PRKX: variants seen among roughly 807,000 people sequenced by gnomAD.
PRKX encodes cAMP-dependent protein kinase catalytic subunit PRKX.
A neutral mutation model predicts 22.0 loss-of-function variants in PRKX; 12 were observed. The observed-to-expected ratio is 0.54, with a 90% CI of 0.35 to 0.88. The LOEUF is 0.88. Ranked by LOEUF, PRKX falls within the 40% of genes least tolerant of loss-of-function variation. The pLI is 0.01. For missense variants in PRKX, 217 were observed against 308.0 expected (o/e 0.70, Z 2.21); for synonymous variants, 134 against 137.7 (o/e 0.97, Z 0.19).
intron 3 of PRKX, among the ~76,000 whole-genome samples, chrX:3,650,621 G>A (rs1449398277): frequency 9.1e-6 from 1 of 109,781 alleles, no homozygotes; most frequent in Non-Finnish European, 1.9e-5. Context: ...GCTCACGCCT[G>A]TAATCCCAAT....
At position 3,624,876 on chromosome X, in the gene PRKX, C is replaced by T. The variant is rs192138671; in HGVS notation, c.815+1543G>A. Among the ~76,000 whole-genome samples the T allele has an allele frequency of 5.3e-3, 592 of 111,309 alleles. 4 individuals carry two copies. Among genetic ancestry groups the T allele is most frequent in the African/African-American group, 0.016 (488 of 30,643 alleles). On this transcript the variant is annotated intron_variant, in intron 5 of 8. Transcript: ENST00000262848. ...TTGGCCCCAAGCAATCCTCCCACTTCGGATTGCTCCTGAAGTGCTGGGATT... is the reference window on the plus strand; with the variant it reads ...TTGGCCCCAAGCAATCCTCCCACTTTGGATTGCTCCTGAAGTGCTGGGATT...
At chrX:3,711,884 G>A (rs1232785776) in intron 1 of PRKX, among the ~76,000 whole-genome samples, 1 of 110,314 alleles carries the variant, frequency 9.1e-6, no homozygotes, top group African/African-American at 3.3e-5. Context: ...ACAGAGAAAA[G>A]AGAGAGAGAA....
rs760441300 is a variant in PRKX at position 3,693,577 on chromosome X, T to C, written c.167-18811A>G. ...AGATTGAGGGATAGACTAGGTTGAATGGTGCCCCCCAAAAATATGTCTACA... is the reference window on the plus strand; with the variant it reads ...AGATTGAGGGATAGACTAGGTTGAACGGTGCCCCCCAAAAATATGTCTACA... On this transcript the variant is annotated intron_variant, in intron 1 of 8. Transcript: ENST00000262848. Among the ~76,000 whole-genome samples, 346 of 111,072 alleles carry C rather than the reference T, an allele frequency of 3.1e-3. 1 individual carries two copies. Among genetic ancestry groups the C allele is most frequent in the African/African-American group, 0.011 (327 of 30,601 alleles).
At chrX:3,710,042 C>T (rs1415073361) in intron 1 of PRKX, among the ~76,000 whole-genome samples, 3 of 110,309 alleles carry the variant, frequency 2.7e-5, no homozygotes, top group Non-Finnish European at 5.7e-5. Context: ...CCCACCGCGA[C>T]CTCCCAAATA....
chrX:3,666,392 G>A (rs1189517289), intron 2 of PRKX, among the ~76,000 whole-genome samples: 24 of 110,376 alleles, frequency 2.2e-4, no homozygotes, highest in African/African-American at 4.6e-4. Flanking sequence ...TCCTGACCTC[G>A]TGATCCGTCC....
intron 5 of PRKX, among the ~76,000 whole-genome samples, chrX:3,625,425 G>T (rs1272755690): frequency 8.9e-6 from 1 of 112,225 alleles, no homozygotes; most frequent in East Asian, 2.8e-4. Flanking sequence ...TTCTCAACTA[G>T]ATGCATTTAG....
At position 3,605,973 on chromosome X, in the gene PRKX, C is replaced by A. The variant is rs763293584; in HGVS notation, c.*2996G>T. The A allele has an allele frequency of 1.4e-4, 16 of 112,460 alleles. No homozygotes were observed. Among genetic ancestry groups the A allele is most frequent in the African/African-American group, 5.2e-4 (16 of 31,028 alleles). The allele number at this position is 112,460 out of a possible 1,213,427, so 9.3% of individuals were successfully genotyped here. The stretch of plus-strand genomic sequence containing the variant: ...AAGAATTCAGTAGAGACAGTGTATA[C>A]TATTTGGTTGTGACTTTATTTCCTT... On this transcript the variant is annotated 3_prime_UTR_variant, in exon 9 of 9. Transcript: ENST00000262848.
intron 3 of PRKX, among the ~76,000 whole-genome samples, chrX:3,643,491 G>A (rs1473227480): frequency 9.0e-6 from 1 of 111,179 alleles, no homozygotes; most frequent in Non-Finnish European, 1.9e-5. Context: ...TGTCTGGGCC[G>A]TACTCCATTG....
rs762246678 is a variant in PRKX at position 3,674,784 on chromosome X, C to A, written c.167-18G>T. 3.3e-6 allele frequency: 4 copies of A among 1,205,796 alleles called. No homozygotes were observed. Among genetic ancestry groups the A allele is most frequent in the Middle Eastern group, 2.4e-4 (1 of 4,206 alleles). ...CCCAGTGCCTGGAGAGAGAAGAAAT[C>A]GACAGAGGTCATTAAGTCTTCCGAC... On this transcript the variant is annotated intron_variant, in intron 1 of 8. Coordinates refer to ENST00000262848, the MANE Select transcript of PRKX (RefSeq NM_005044.5).
At chrX:3,657,633 C>T (rs1280683791) in intron 2 of PRKX, among the ~76,000 whole-genome samples, 1 of 112,151 alleles carries the variant, frequency 8.9e-6, no homozygotes, top group Non-Finnish European at 1.9e-5. Flanking sequence ...ATCATTAAGC[C>T]TGAGAATTAA....
At chrX:3,695,450 T>C (rs1431979105) in intron 1 of PRKX, among the ~76,000 whole-genome samples, 4 of 111,638 alleles carry the variant, frequency 3.6e-5, no homozygotes, top group Non-Finnish European at 7.5e-5. Context: ...TCTTGTTCTG[T>C]CGCCCAGGCT....
chrX:3,700,410 C>G (rs1270134146), intron 1 of PRKX, among the ~76,000 whole-genome samples: 4 of 112,166 alleles, frequency 3.6e-5, no homozygotes, highest in Admixed American at 9.5e-5. Context: ...AAATAAAATC[C>G]TAACCTATTT....
chrX:3,608,983 C>T (rs976439080), intron 8 of PRKX, 38 bp from the exon 9 acceptor site: 3 of 111,770 alleles, frequency 2.7e-5, no homozygotes, highest in African/African-American at 9.8e-5. Flanking sequence ...GTGAGTTGCT[C>T]AGTAACTGGA....
In PRKX at chrX:3,689,902, G is replaced by A. The variant is rs186352020; in HGVS notation, c.167-15136C>T. On this transcript the variant is annotated intron_variant, in intron 1 of 8. Transcript: ENST00000262848. ...TGGGGCAGGAGGATGGCGTGAACCCGGGAGGCAGAGCTTGCAGTGAGCCGA... is the reference window on the plus strand; with the variant it reads ...TGGGGCAGGAGGATGGCGTGAACCCAGGAGGCAGAGCTTGCAGTGAGCCGA... Among the ~76,000 whole-genome samples, 325 of 110,847 alleles carry A rather than the reference G, an allele frequency of 2.9e-3. 3 individuals carry two copies. The highest frequency in any genetic ancestry group is 9.3e-3 in the South Asian group (24 of 2,592).
chrX:3,706,727 C>T (rs1173078547), intron 1 of PRKX, among the ~76,000 whole-genome samples: 1 of 112,457 alleles, frequency 8.9e-6, no homozygotes, highest in African/African-American at 3.2e-5. Context: ...CTTTTGTCGT[C>T]CAATCCCAAT....
At chrX:3,674,888 T>A in intron 1 of PRKX, 122 bp from the exon 2 acceptor site, 5 of 823,208 alleles carry the variant, frequency 6.1e-6, no homozygotes, top group Non-Finnish European at 8.9e-6. Context: ...AGTGAAACTT[T>A]CAGAGACTTT....
At chrX:3,710,575 T>C (rs1486242343) in intron 1 of PRKX, among the ~76,000 whole-genome samples, 8 of 111,157 alleles carry the variant, frequency 7.2e-5, no homozygotes, top group Non-Finnish European at 1.5e-4. Context: ...GGTTTCACCA[T>C]GTTGGCCAGG....
At chrX:3,639,535 ACGGGG>A in intron 4 of PRKX, among the ~76,000 whole-genome samples, 1 of 9,580 alleles carries the variant, frequency 1.0e-4, no homozygotes, top group Non-Finnish European at 1.8e-4. Flanking sequence ...TGGATGGATG[ACGGGG>A]TGGGTGGGTG....
chrX:3,670,530 C>T (rs1927825558), intron 2 of PRKX, among the ~76,000 whole-genome samples: 1 of 111,938 alleles, frequency 8.9e-6, no homozygotes, highest in Non-Finnish European at 1.9e-5. Flanking sequence ...ACATCACCCC[C>T]TCCAAGTCTA....
Sources: allele counts gnomAD v4.1 joint callset (sites outside exome capture counted in the v4.1 genomes callset), GRCh38; gene constraint gnomAD v4.1.1; transcripts MANE v1.5; gene names NCBI Gene and HGNC (gene_info 2026-07-23, HGNC 2026-07-21).